The following ADCY2 variants were observed in gnomAD, a reference collection of about 807,000 sequenced individuals.
ADCY2 encodes the protein adenylate cyclase type 2.
A neutral mutation model predicts 125.2 loss-of-function variants in ADCY2; 31 were observed. That is an observed-to-expected ratio of 0.25 (90% CI 0.19 to 0.33). ADCY2 has a LOEUF of 0.33. ADCY2 is among the 10% of genes least tolerant of loss of function. The pLI is 1.00. For missense variants in ADCY2, 904 were observed against 1,418.2 expected (o/e 0.64, Z 5.82); for synonymous variants, 512 against 548.4 (o/e 0.93, Z 0.93).
chr5:7,600,949 C>T (rs1333122128), intron 3 of ADCY2, among the ~76,000 whole-genome samples: 1 of 152,110 alleles, frequency 6.6e-6, no homozygotes, highest in African/African-American at 2.4e-5. Context: ...GAATTATGGC[C>T]TTGGCAATTG....
intron 2 of ADCY2, among the ~76,000 whole-genome samples, chr5:7,417,725 G>A (rs189592957): frequency 6.6e-6 from 1 of 152,330 alleles, no homozygotes; most frequent in Non-Finnish European, 1.5e-5. Flanking sequence ...CCTTGCTTGA[G>A]TGTTTCCATG....
At chr5:7,769,393 C>A (rs1386277961) in intron 17 of ADCY2, among the ~76,000 whole-genome samples, 2 of 151,886 alleles carry the variant, frequency 1.3e-5, no homozygotes, top group Non-Finnish European at 2.9e-5. Context: ...ATAAATTATT[C>A]ATTGAAAAGT....
intron 2 of ADCY2, among the ~76,000 whole-genome samples, chr5:7,440,701 T>G (rs962064532): frequency 2.6e-5 from 4 of 151,772 alleles, no homozygotes; most frequent in Non-Finnish European, 4.4e-5. Context: ...GAGAAATTTC[T>G]TAGAGATAGG....
chr5:7,717,837 C>T (rs1414831633), intron 12 of ADCY2, among the ~76,000 whole-genome samples: 1 of 152,166 alleles, frequency 6.6e-6, no homozygotes, highest in Non-Finnish European at 1.5e-5. Flanking sequence ...CCTTCATGTT[C>T]TCCTTGGGTA....
intron 7 of ADCY2, among the ~76,000 whole-genome samples, chr5:7,700,603 AAG>A (rs1741046052): frequency 6.6e-6 from 1 of 151,810 alleles, no homozygotes; most frequent in Admixed American, 6.6e-5. Context: ...AGAATACATC[AAG>A]TCCTGTTGTC....
Position 7,757,540 on chromosome 5 carries a change from C to A in ADCY2, c.2048C>A (p.Thr683Lys). The A allele has an allele frequency of 1.2e-6, 2 of 1,609,982 alleles. No individual in the cohort carries two copies. The highest frequency in any genetic ancestry group is 1.7e-6 in the Non-Finnish European group (2 of 1,178,872). Reference protein sequence around the residue: ...ANRPWPRISLTIITTAIILMM... With the variant: ...ANRPWPRISLKIITTAIILMM... ...CGCCCCTGGCCACGGATCTCTCTCA[C>A]GATCATCACCACAGCCATCATATTA... The change falls in exon 16 of 25, where the codon ACG becomes AAG. Residue 683 changes from threonine (T) to lysine (K), a missense_variant. Thr to Lys is a moderately conservative substitution (Grantham distance 78). Around this residue, in one of 7 missense-constraint regions of ADCY2, gnomAD observed 221 missense variants for 246.2 expected, o/e 0.90. Transcript: ENST00000338316.
intron 4 of ADCY2, among the ~76,000 whole-genome samples, chr5:7,640,259 T>C (rs1487170860): frequency 6.6e-6 from 1 of 152,168 alleles, no homozygotes; most frequent in Non-Finnish European, 1.5e-5. Flanking sequence ...CGAGTGGCTA[T>C]TGCAAGGAGT....
chr5:7,660,241 AAG>A (rs1418632979), intron 4 of ADCY2, among the ~76,000 whole-genome samples: 6 of 39,288 alleles, frequency 1.5e-4, no homozygotes, highest in East Asian at 1.6e-3. Flanking sequence ...GGAGGGAGAG[AAG>A]GAAGGAAGGA....
At chr5:7,677,500 A>C (rs1740173916) in intron 4 of ADCY2, among the ~76,000 whole-genome samples, 1 of 152,126 alleles carries the variant, frequency 6.6e-6, no homozygotes, top group Non-Finnish European at 1.5e-5. Context: ...TGGCCTTATA[A>C]GTTCTTGAAG....
intron 21 of ADCY2, 97 bp from the exon 22 acceptor site, chr5:7,804,488 C>T (rs1744699205): frequency 2.1e-6 from 2 of 943,242 alleles, no homozygotes; most frequent in Non-Finnish European, 1.7e-6. Flanking sequence ...CAAGTCACGG[C>T]ATTACTGTGA....
At chr5:7,490,039 A>G (rs993958207) in intron 2 of ADCY2, among the ~76,000 whole-genome samples, 2 of 152,082 alleles carry the variant, frequency 1.3e-5, no homozygotes, top group Non-Finnish European at 1.5e-5. Flanking sequence ...ACTCTAAGGA[A>G]TGTAGTGGTA....
chr5:7,644,360 C>T (rs941249642), intron 4 of ADCY2, among the ~76,000 whole-genome samples: 44 of 152,094 alleles, frequency 2.9e-4, no homozygotes. Context: ...CACCTGGTAC[C>T]AGTTCAGTTC....
At chr5:7,715,361 C>T (rs1013016056) in intron 11 of ADCY2, among the ~76,000 whole-genome samples, 50 of 152,294 alleles carry the variant, frequency 3.3e-4, no homozygotes, top group African/African-American at 8.9e-4. Flanking sequence ...ATTACATTTT[C>T]CTGTAAGCCT....
chr5:7,507,569 G>GT (rs1743887415), intron 2 of ADCY2, among the ~76,000 whole-genome samples: 1 of 151,550 alleles, frequency 6.6e-6, no homozygotes, highest in African/African-American at 2.4e-5. Flanking sequence ...TCCTAATTAT[G>GT]TAACTAGAAA....
At chr5:7,448,002 G>A (rs1423343228) in intron 2 of ADCY2, among the ~76,000 whole-genome samples, 1 of 152,072 alleles carries the variant, frequency 6.6e-6, no homozygotes, top group Non-Finnish European at 1.5e-5. Flanking sequence ...GTGACCAGAG[G>A]GTGTCCCTTG....
At chr5:7,470,654 G>GAA (rs1742302681) in intron 2 of ADCY2, among the ~76,000 whole-genome samples, 1 of 150,016 alleles carries the variant, frequency 6.7e-6, no homozygotes, top group Admixed American at 6.6e-5. Flanking sequence ...GTGTGTGTGT[G>GAA]TGTTTACAAA....
At chr5:7,788,749 T>A (rs1346698913) in intron 19 of ADCY2, among the ~76,000 whole-genome samples, 2 of 152,224 alleles carry the variant, frequency 1.3e-5, no homozygotes, top group Non-Finnish European at 2.9e-5. Context: ...GTAGAATTAA[T>A]CAACTCAACA....
intron 2 of ADCY2, among the ~76,000 whole-genome samples, chr5:7,418,510 C>T (rs575352780): frequency 1.1e-4 from 16 of 152,082 alleles, no homozygotes; most frequent in Admixed American, 9.2e-4. Context: ...TGCAGTGGAC[C>T]GGCTCATACC....
intron 5 of ADCY2, 108 bp from the exon 6 acceptor site, chr5:7,695,644 A>T: frequency 1.8e-6 from 1 of 556,264 alleles, no homozygotes; most frequent in South Asian, 3.4e-5. Flanking sequence ...TCATGAAAAT[A>T]TAAAGTATAA....
Sources: gnomAD v4.1 joint callset for allele counts (sites outside exome capture counted in the v4.1 genomes callset) on GRCh38, gnomAD v4.1.1 for gene constraint, gnomAD v4.1.1 regional missense constraint, MANE v1.5 for transcripts, NCBI Gene and HGNC (gene_info 2026-07-23, HGNC 2026-07-21) for gene names.